NXPE4: variants seen among roughly 807,000 people sequenced by gnomAD.
NXPE4 encodes the protein neurexophilin and PC-esterase domain family member 4.
NXPE4 carries 42 observed loss-of-function variants against 33.3 expected under a neutral mutation model. That is an observed-to-expected ratio of 1.26 (90% CI 0.98 to 1.63). The LOEUF (loss-of-function observed/expected upper bound fraction) is 1.63, where lower values mean the gene tolerates loss of function less well. NXPE4 is among the 40% of genes most tolerant of loss of function. The pLI is 0.00. For synonymous variants in NXPE4, 253 were observed against 234.9 expected, an observed-to-expected ratio of 1.08 and a Z score of -0.71; for missense variants, 709 against 647.6, an observed-to-expected ratio of 1.09 and a Z score of -1.03.
chr11:114,588,575 G>T (rs1949364701), intron 2 of NXPE4, among the ~76,000 whole-genome samples: 1 of 152,062 alleles, frequency 6.6e-6, no homozygotes, highest in Non-Finnish European at 1.5e-5. Flanking sequence ...GAAGAAATAG[G>T]GGAGCCATCA....
chr11:114,598,663 G>A (rs563249652), upstream of NXPE4, among the ~76,000 whole-genome samples: 1 of 151,764 alleles, frequency 6.6e-6, no homozygotes, highest in Admixed American at 6.6e-5. Context: ...CTGTACCTGG[G>A]CCTCTTTGAG....
At chr11:114,608,416 A>G in the NXPE4 span, among the ~76,000 whole-genome samples, 2 of 151,846 alleles carry the variant, frequency 1.3e-5, no homozygotes, top group Non-Finnish European at 2.9e-5. Flanking sequence ...TACCTGGTAG[A>G]TAATAAGTGT....
chr11:114,641,013 G>T, the NXPE4 span, among the ~76,000 whole-genome samples: 1 of 151,942 alleles, frequency 6.6e-6, no homozygotes, highest in Non-Finnish European at 1.5e-5. Flanking sequence ...GAATGATAAG[G>T]TACAAATATG....
At chr11:114,603,418 T>C in the NXPE4 span, among the ~76,000 whole-genome samples, 87 of 151,404 alleles carry the variant, frequency 5.7e-4, no homozygotes, top group African/African-American at 1.9e-3. Context: ...TGGTGGATGA[T>C]AAGTATTGCC....
chr11:114,655,207 G>A, the NXPE4 span, among the ~76,000 whole-genome samples: 1 of 152,058 alleles, frequency 6.6e-6, no homozygotes, highest in Admixed American at 6.6e-5. Flanking sequence ...TAAGTTCCTT[G>A]TAAATGCTGG....
the NXPE4 span, among the ~76,000 whole-genome samples, chr11:114,623,275 G>A: frequency 3.3e-5 from 5 of 152,092 alleles, no homozygotes; most frequent in African/African-American, 1.2e-4. Flanking sequence ...TGCCTCGTGG[G>A]TGACAACTGT....
the NXPE4 span, among the ~76,000 whole-genome samples, chr11:114,635,627 G>A: frequency 6.6e-6 from 1 of 151,822 alleles, no homozygotes; most frequent in East Asian, 1.9e-4. Context: ...TTATTATTTT[G>A]AGATATGTCC....
chr11:114,607,863 G>C, the NXPE4 span, among the ~76,000 whole-genome samples: 1 of 151,794 alleles, frequency 6.6e-6, no homozygotes, highest in Non-Finnish European at 1.5e-5. Context: ...GGTAACCACT[G>C]TTACCTGGTG....
At chr11:114,577,744 C>CT (rs1177614205) in intron 5 of NXPE4, among the ~76,000 whole-genome samples, 1 of 152,014 alleles carries the variant, frequency 6.6e-6, no homozygotes, top group African/African-American at 2.4e-5. Flanking sequence ...TCATTTGAGG[C>CT]TAGAGGAAGG....
chr11:114,580,149 A>T lies in NXPE4; in HGVS notation c.1082T>A (p.Phe361Tyr), dbSNP rs780459453. Residue 361 changes from phenylalanine (F) to tyrosine (Y), a missense_variant, in exon 5 of 6, where the codon TTC (phenylalanine) becomes TAC (tyrosine). By Grantham distance (22) the Phe-to-Tyr change is conservative. Transcript: ENST00000375478. The stretch of plus-strand genomic sequence containing the variant: ...AGGCATACTGTTGATACTGGCTTTG[A>T]AGTATTCCATCCACTGGCGGATCGT... ...DSTIRQWMEY[F>Y]KASINTLKSV... 1.2e-6 allele frequency: 2 copies of T among 1,613,684 alleles called. No homozygotes were observed.
At chr11:114,644,398 A>G in the NXPE4 span, among the ~76,000 whole-genome samples, 5 of 152,168 alleles carry the variant, frequency 3.3e-5, no homozygotes, top group Middle Eastern at 3.2e-3. Context: ...GGTTTGTCAT[A>G]AATTGCTCTT....
At chr11:114,580,927 G>A (rs1242012364) in intron 4 of NXPE4, among the ~76,000 whole-genome samples, 1 of 152,130 alleles carries the variant, frequency 6.6e-6, no homozygotes. Flanking sequence ...GGTTGAGGTA[G>A]CCACAATGGT....
chr11:114,641,626 A>T, the NXPE4 span, among the ~76,000 whole-genome samples: 1 of 152,024 alleles, frequency 6.6e-6, no homozygotes, highest in Non-Finnish European at 1.5e-5. Flanking sequence ...GTAAACCTGG[A>T]AAAAGTAGAA....
the NXPE4 span, among the ~76,000 whole-genome samples, chr11:114,649,211 T>A: frequency 6.6e-6 from 1 of 152,050 alleles, no homozygotes; most frequent in African/African-American, 2.4e-5. Context: ...CTTGATTGGG[T>A]CATTTTAGTT....
the NXPE4 span, among the ~76,000 whole-genome samples, chr11:114,639,042 T>A: frequency 6.6e-6 from 1 of 152,058 alleles, no homozygotes; most frequent in Non-Finnish European, 1.5e-5. Flanking sequence ...CTGCTGTCTT[T>A]TTGTTTGTCT....
intron 5 of NXPE4, among the ~76,000 whole-genome samples, chr11:114,577,972 C>A (rs191442808): frequency 1.1e-4 from 17 of 152,260 alleles, no homozygotes; most frequent in Admixed American, 9.2e-4. Flanking sequence ...TATCCATTCA[C>A]CTCAAGGATC....
chr11:114,631,253 G>A, the NXPE4 span, among the ~76,000 whole-genome samples: 1 of 151,826 alleles, frequency 6.6e-6, no homozygotes, highest in Non-Finnish European at 1.5e-5. Context: ...ATTCACAATA[G>A]CAAAGACTTG....
At chr11:114,648,750 TACTA>T in the NXPE4 span, among the ~76,000 whole-genome samples, 4 of 152,148 alleles carry the variant, frequency 2.6e-5, no homozygotes, top group South Asian at 2.1e-4. Flanking sequence ...ACTAAAAACT[TACTA>T]ACTTCTTCTC....
the NXPE4 span, among the ~76,000 whole-genome samples, chr11:114,669,499 T>A: frequency 3.2e-4 from 49 of 152,218 alleles, 1 homozygote; most frequent in South Asian, 9.9e-3. Flanking sequence ...TACCCAAGAA[T>A]GGCTTAGAAG....
Sources: allele counts gnomAD v4.1 joint callset (sites outside exome capture counted in the v4.1 genomes callset), GRCh38; gene constraint gnomAD v4.1.1; transcripts MANE v1.5; gene names NCBI Gene and HGNC (gene_info 2026-07-23, HGNC 2026-07-21).